The following DRC4 variants were observed in gnomAD, a reference collection of about 807,000 sequenced individuals.
The protein encoded by DRC4 is GAS-11.
At chr16:90,043,611 C>T in the DRC4 span, 4 of 605,138 alleles carry the variant, frequency 6.6e-6, no homozygotes, top group South Asian at 4.8e-5. Flanking sequence ...CCTCCGACCA[C>T]AGTCGGCGGC....
chr16:90,022,367 C>T, the DRC4 span, among the ~76,000 whole-genome samples: 1 of 152,170 alleles, frequency 6.6e-6, no homozygotes. Context: ...TTCAATGGTC[C>T]TTCATCAGCA....
the DRC4 span, chr16:90,040,261 G>C: frequency 6.5e-7 from 1 of 1,540,138 alleles, no homozygotes; most frequent in Non-Finnish European, 8.8e-7. Context: ...GTCCCCAGGT[G>C]AGGGGCCTCA....
the DRC4 span, chr16:90,036,386 G>C: frequency 1.3e-6 from 2 of 1,598,310 alleles, no homozygotes; most frequent in Non-Finnish European, 1.7e-6. Flanking sequence ...TTCAGAAATT[G>C]AGGCCAAGTA....
At chr16:90,032,672 G>A in the DRC4 span, 1 of 1,579,324 alleles carries the variant, frequency 6.3e-7, no homozygotes, top group Admixed American at 1.7e-5. Context: ...GGAAAGGTGA[G>A]GAGGTGTGGT....
At chr16:90,026,747 A>C in the DRC4 span, among the ~76,000 whole-genome samples, 2 of 148,630 alleles carry the variant, frequency 1.3e-5, no homozygotes, top group African/African-American at 2.5e-5. Context: ...GCGGTGGTGC[A>C]CCATAGCTCA....
the DRC4 span, chr16:90,031,344 C>T: frequency 1.1e-5 from 18 of 1,613,304 alleles, no homozygotes; most frequent in East Asian, 1.8e-4. Context: ...GGACCGCGAG[C>T]GGGAGGAACG....
At chr16:90,042,646 C>T in the DRC4 span, 1 of 852,484 alleles carries the variant, frequency 1.2e-6, no homozygotes, top group Non-Finnish European at 1.9e-6. Context: ...CCTCGTTTGA[C>T]AAGGCAGCTG....
the DRC4 span, chr16:90,037,221 TG>T: frequency 6.2e-7 from 1 of 1,602,044 alleles, no homozygotes; most frequent in Non-Finnish European, 8.5e-7. Context: ...GGCCTGTGCT[TG>T]TGCCTGCAGG....
the DRC4 span, chr16:90,044,652 G>C: frequency 6.4e-6 from 3 of 468,518 alleles, no homozygotes; most frequent in Non-Finnish European, 1.3e-5. Context: ...TGCAGAGATG[G>C]GGACCAGAAG....
chr16:90,038,753 C>T, the DRC4 span, among the ~76,000 whole-genome samples: 4 of 152,186 alleles, frequency 2.6e-5, no homozygotes, highest in Admixed American at 2.0e-4. Context: ...ATTTCGTGGG[C>T]ACTTCCAAGA....
chr16:90,036,354 A>G, the DRC4 span: 2 of 1,576,042 alleles, frequency 1.3e-6, no homozygotes, highest in South Asian at 1.2e-5. Context: ...TTCCTCTGCT[A>G]AGCTGCTGTT....
At chr16:90,026,761 CA>C in the DRC4 span, among the ~76,000 whole-genome samples, 2 of 150,944 alleles carry the variant, frequency 1.3e-5, no homozygotes, top group Non-Finnish European at 3.0e-5. Flanking sequence ...TAGCTCACTG[CA>C]GCCTTAAACT....
the DRC4 span, chr16:90,040,405 G>T: frequency 6.2e-7 from 1 of 1,612,186 alleles, no homozygotes; most frequent in Non-Finnish European, 8.5e-7. Context: ...CAAGCTGCAG[G>T]CTCTGAGCGC....
At chr16:90,021,828 C>T in the DRC4 span, among the ~76,000 whole-genome samples, 4 of 136,618 alleles carry the variant, frequency 2.9e-5, no homozygotes, top group Non-Finnish European at 6.1e-5. Context: ...GTGATCACAG[C>T]CTAGGCGACA....
At chr16:90,019,765 C>T in the DRC4 span, 1 of 689,626 alleles carries the variant, frequency 1.5e-6, no homozygotes, top group East Asian at 2.8e-5. The surrounding 1 kb of genome is among the most constrained non-coding windows in gnomAD (Gnocchi z 6.1). Flanking sequence ...TTGTTCTCTT[C>T]CAGGTACTTG....
chr16:90,032,245 T>G, the DRC4 span, among the ~76,000 whole-genome samples: 1 of 145,496 alleles, frequency 6.9e-6, no homozygotes, highest in Non-Finnish European at 1.5e-5. Context: ...AATGTACAAG[T>G]GAGGAGGTGT....
At chr16:90,044,074 G>A in the DRC4 span, 171 of 444,506 alleles carry the variant, frequency 3.8e-4, 6 homozygotes, top group South Asian at 2.8e-3. Flanking sequence ...GAATTCAGCA[G>A]CCCAGACTGA....
At chr16:90,032,503 G>T in the DRC4 span, among the ~76,000 whole-genome samples, 1 of 150,100 alleles carries the variant, frequency 6.7e-6, no homozygotes, top group Admixed American at 6.7e-5. Context: ...ACGGACAGGT[G>T]AGGAGGTGTG....
chr16:90,036,307 C>T, the DRC4 span: 2 of 1,354,086 alleles, frequency 1.5e-6, no homozygotes, highest in African/African-American at 2.9e-5. Flanking sequence ...GGCCCGTTTA[C>T]AGGCTCCATG....
Sources: allele counts gnomAD v4.1 joint callset (sites outside exome capture counted in the v4.1 genomes callset), GRCh38; gene constraint gnomAD v4.1.1; non-coding constraint Gnocchi (gnomAD v3.1); transcripts MANE v1.5; gene names NCBI Gene and HGNC (gene_info 2026-07-23, HGNC 2026-07-21).